Variants in TMOD3 observed in about 807,000 individuals in gnomAD.
The protein encoded by TMOD3 is tropomodulin-3.
A neutral mutation model predicts 39.2 loss-of-function variants in TMOD3; 20 were observed. That is an observed-to-expected ratio of 0.51 (90% CI 0.36 to 0.74). The LOEUF is 0.74. TMOD3 is among the 30% of genes least tolerant of loss of function. The pLI is 0.00. For missense variants in TMOD3, 381 were observed against 412.8 expected (o/e 0.92, Z 0.67); for synonymous variants, 143 against 145.8 (o/e 0.98, Z 0.14).
intron 1 of TMOD3, among the ~76,000 whole-genome samples, chr15:51,838,238 C>T (rs1244002718): frequency 6.6e-6 from 1 of 152,044 alleles, no homozygotes; most frequent in Non-Finnish European, 1.5e-5. Flanking sequence ...TAATTCTGTC[C>T]CTCCCTGACC....
At chr15:51,891,866 C>T (rs2056595256) in intron 5 of TMOD3, among the ~76,000 whole-genome samples, 1 of 152,168 alleles carries the variant, frequency 6.6e-6, no homozygotes, top group Admixed American at 6.5e-5. Context: ...CCAAGTTCTG[C>T]TTCTTGGCAA....
At chr15:51,879,908 G>A (rs578127187) in intron 3 of TMOD3, among the ~76,000 whole-genome samples, 3 of 135,926 alleles carry the variant, frequency 2.2e-5, no homozygotes, top group Non-Finnish European at 4.9e-5. Flanking sequence ...AATTCTAGGA[G>A]CAACAAGAAT....
rs1324711911 is a variant in TMOD3, at chr15:51,872,414, A to G, written c.283+3041A>G. On this transcript the variant is annotated intron_variant, in intron 3 of 9. Transcript: ENST00000308580. ...GTCTCAAAAAAAAAAAGGTAACATC[A>G]GCACCCACTGAAGGCCCTATCATGC... Among the ~76,000 whole-genome samples the G allele has an allele frequency of 4.6e-5, 7 of 151,784 alleles. 1 individual carries two copies. The South Asian group carries it at 6.2e-4, about 13-fold the overall frequency.
intron 1 of TMOD3, among the ~76,000 whole-genome samples, chr15:51,836,030 A>G (rs992755064): frequency 6.6e-6 from 1 of 152,220 alleles, no homozygotes; most frequent in Admixed American, 6.5e-5. Context: ...ATAGAAGCAG[A>G]AAAAAGCTAA....
intron 7 of TMOD3, among the ~76,000 whole-genome samples, chr15:51,897,178 C>T (rs756593633): frequency 3.3e-5 from 5 of 152,126 alleles, no homozygotes; most frequent in Non-Finnish European, 5.9e-5. Context: ...TGGAATGGCC[C>T]AGAACGTGGT....
At chr15:51,831,999 A>G (rs1389796023) in intron 1 of TMOD3, among the ~76,000 whole-genome samples, 1 of 151,862 alleles carries the variant, frequency 6.6e-6, no homozygotes, top group Non-Finnish European at 1.5e-5. Flanking sequence ...CCTGGGCAAC[A>G]TAGCAAGACC....
chr15:51,900,714 T>C (rs980794845), intron 8 of TMOD3, among the ~76,000 whole-genome samples: 6 of 152,214 alleles, frequency 3.9e-5, no homozygotes, highest in Admixed American at 1.3e-4. Flanking sequence ...CTCCATTTAT[T>C]TGAAAAAATA....
In TMOD3 at chr15:51,839,163, C is replaced by CTTTTTTTTTTTTTTTTTTT. The variant is rs111813783; in HGVS notation, c.-75+9328_-75+9329insTTTTTTTTTTTTTTTTTTT. On this transcript the variant is annotated intron_variant, in intron 1 of 9. Transcript: ENST00000308580. Reference sequence around the variant, plus strand: ...TGACAGCTAAGAAATAGGTGTATCTCTCTTTTTTTTTTTTTCCATTTTGTT... The same window carrying CTTTTTTTTTTTTTTTTTTT: ...TGACAGCTAAGAAATAGGTGTATCTCTTTTTTTTTTTTTTTTTTTTCTTTTTTTTTTTTTCCATTTTGTT... Among the ~76,000 whole-genome samples, 22 of 109,816 alleles carry CTTTTTTTTTTTTTTTTTTT rather than the reference C, an allele frequency of 2.0e-4. 1 individual carries two copies. The highest frequency in any genetic ancestry group is 8.7e-4 in the South Asian group (3 of 3,466). 72.0% of individuals were successfully genotyped at this position (109,816 alleles called of 152,430 possible).
chr15:51,865,869 G>A (rs2056442628), intron 2 of TMOD3, among the ~76,000 whole-genome samples: 2 of 151,854 alleles, frequency 1.3e-5, no homozygotes, highest in African/African-American at 4.8e-5. Flanking sequence ...CAGTGTACGT[G>A]TTTGCTAACT....
At chr15:51,832,793 A>G (rs1367747807) in intron 1 of TMOD3, among the ~76,000 whole-genome samples, 1 of 152,220 alleles carries the variant, frequency 6.6e-6, no homozygotes, top group East Asian at 1.9e-4. Flanking sequence ...TCCAGTAAAC[A>G]GTAGAGGAAA....
At chr15:51,846,143 C>T (rs1259304066) in intron 1 of TMOD3, among the ~76,000 whole-genome samples, 2 of 135,732 alleles carry the variant, frequency 1.5e-5, no homozygotes, top group Non-Finnish European at 3.2e-5. Context: ...TGGTAAAACC[C>T]CATTTCTACC....
chr15:51,832,282 ATATACT>A (rs1292990090), intron 1 of TMOD3, among the ~76,000 whole-genome samples: 4 of 145,522 alleles, frequency 2.7e-5, no homozygotes, highest in Non-Finnish European at 4.5e-5. Context: ...GATTAGGCAG[ATATACT>A]TATGTATAGT....
chr15:51,897,096 C>G (rs2056624507), intron 7 of TMOD3, among the ~76,000 whole-genome samples: 2 of 152,142 alleles, frequency 1.3e-5, no homozygotes, highest in African/African-American at 4.8e-5. Flanking sequence ...TTGGGGGCTC[C>G]CCTTACCTCA....
Position 51,915,062 on chromosome 15 carries a change from T to C in TMOD3, c.*6252T>C, listed in dbSNP as rs1013643896. The C allele has an allele frequency of 1.3e-5, 2 of 152,180 alleles. No individual in the cohort carries two copies. The highest frequency in any genetic ancestry group is 4.8e-5 in the African/African-American group (2 of 41,444). The allele number at this position is 152,180 out of a possible 1,614,324, so 9.4% of individuals were successfully genotyped here. A position where few individuals can be genotyped will look rare whatever the true frequency, so the allele number is the denominator to read the frequency against. ...TTACATTCGTAAGACAGACACCTCT[T>C]AGAATCTATATATATGAGGTTTTAC... is the stretch of plus-strand genomic sequence containing the variant. On this transcript the variant is annotated 3_prime_UTR_variant, in exon 10 of 10. Coordinates refer to ENST00000308580, the MANE Select transcript of TMOD3 (RefSeq NM_014547.5).
chr15:51,886,532 G>A (rs559968245), intron 3 of TMOD3, among the ~76,000 whole-genome samples: 11 of 152,344 alleles, frequency 7.2e-5, no homozygotes, highest in African/African-American at 2.2e-4. Flanking sequence ...CAGGCGTGGC[G>A]GTGCGCGCCC....
At chr15:51,850,800 G>A (rs1447993209) in intron 1 of TMOD3, among the ~76,000 whole-genome samples, 1 of 152,070 alleles carries the variant, frequency 6.6e-6, no homozygotes, top group African/African-American at 2.4e-5. Flanking sequence ...GCAGTGGCGC[G>A]ATCTCGGCTC....
At chr15:51,870,921 C>A (rs528129227) in intron 3 of TMOD3, among the ~76,000 whole-genome samples, 1 of 152,212 alleles carries the variant, frequency 6.6e-6, no homozygotes, top group Admixed American at 6.5e-5. Context: ...TTTCTTCCTA[C>A]TTTGGGGAGA....
At chr15:51,840,885 C>G (rs1170989528) in intron 1 of TMOD3, among the ~76,000 whole-genome samples, 1 of 152,188 alleles carries the variant, frequency 6.6e-6, no homozygotes, top group Non-Finnish European at 1.5e-5. Context: ...GCTGTGGCTT[C>G]TTGCTATCAC....
intron 3 of TMOD3, among the ~76,000 whole-genome samples, chr15:51,886,510 A>G (rs946588533): frequency 1.3e-5 from 2 of 152,076 alleles, no homozygotes; most frequent in Non-Finnish European, 2.9e-5. Flanking sequence ...ACCAAAGAAT[A>G]CAAAAACCAG....
Sources: gnomAD v4.1 joint callset for allele counts (sites outside exome capture counted in the v4.1 genomes callset) on GRCh38, gnomAD v4.1.1 for gene constraint, MANE v1.5 for transcripts, NCBI Gene and HGNC (gene_info 2026-07-23, HGNC 2026-07-21) for gene names.